Variants in PDILT observed in about 807,000 individuals in gnomAD.
The protein encoded by PDILT is protein disulfide-isomerase-like protein of the testis.
A neutral mutation model predicts 53.7 loss-of-function variants in PDILT; 43 were observed. The ratio of observed to expected loss-of-function variants is 0.80; its 90% CI spans 0.63 to 1.03. The LOEUF (loss-of-function observed/expected upper bound fraction) is 1.03. PDILT is among the 50% of genes least tolerant of loss of function. PDILT has a pLI of 0.00. For synonymous variants in PDILT, 282 were observed against 274.2 expected, an observed-to-expected ratio of 1.03 and a Z score of -0.28; for missense variants, 727 against 712.3, an observed-to-expected ratio of 1.02 and a Z score of -0.24.
chr16:20,369,836 C>T (rs569843992), intron 7 of PDILT, 147 bp from the exon 8 acceptor site: 287 of 765,220 alleles, frequency 3.8e-4, no homozygotes, highest in Non-Finnish European at 5.6e-4. Flanking sequence ...AGCTCTGCAC[C>T]GAAATGCATG....
intron 2 of PDILT, 49 bp downstream of exon 2, chr16:20,399,050 G>A (rs1966695885): frequency 3.7e-6 from 6 of 1,600,420 alleles, no homozygotes; most frequent in Non-Finnish European, 5.1e-6. Context: ...ACACAAGGAG[G>A]CAGGCCTCAT....
Position 20,359,531 on chromosome 16 carries a change from C to A in PDILT, c.1543G>T (p.Glu515Ter). 4.3e-6 allele frequency: 7 copies of A among 1,614,136 alleles called. No individual in the cohort carries two copies. Among genetic ancestry groups the A allele is most frequent in the Non-Finnish European group, 5.9e-6 (7 of 1,180,018 alleles). ...SVEQNEVIEE[E>*]VLAEEKEVPM... ...ACCTCCTTTTCCTCAGCTAGCACTT[C>A]CTCTTCTATCACTTCATTTTGCTCA... The change falls in exon 12 of 12, where the codon GAA becomes TAA. Residue 515 changes from glutamate to a stop codon, truncating the protein, a stop_gained. Coordinates refer to ENST00000302451, the MANE Select transcript of PDILT (RefSeq NM_174924.2). LOFTEE classifies it low-confidence loss of function (END_TRUNC).
chr16:20,384,923 G>A (rs2141611283), intron 2 of PDILT, 72 bp from the exon 3 acceptor site: 2 of 1,477,610 alleles, frequency 1.4e-6, no homozygotes, highest in South Asian at 2.3e-5. Flanking sequence ...ATTATTTGTT[G>A]GGCCTGCTTA....
At chr16:20,367,075 CTTTCTTTCTTTCT>C (rs1966220306) in intron 8 of PDILT, among the ~76,000 whole-genome samples, 1 of 121,674 alleles carries the variant, frequency 8.2e-6, no homozygotes, top group Non-Finnish European at 1.7e-5. Flanking sequence ...TTCTTTCTTT[CTTTCTTTCTTTCT>C]TTCTTTCTTT....
At position 20,384,845 on chromosome 16, in the gene PDILT, G is replaced by A. The variant is rs748295360; in HGVS notation, c.209C>T (p.Pro70Leu). The A allele has an allele frequency of 5.6e-6, 9 of 1,614,152 alleles. No individual in the cohort carries two copies. Among genetic ancestry groups the A allele is most frequent in the Non-Finnish European group, 7.6e-6 (9 of 1,180,010 alleles). The change falls in exon 3 of 12, where the codon CCA (proline) becomes CTA (leucine). Residue 70 changes from proline (P) to leucine (L), a missense_variant. Physicochemically the swap from Pro to Leu is moderately conservative, Grantham distance 98. Transcript: ENST00000302451. ...CAAGTTCCTGGATTGCTTTGAGGAT[G>A]GGTTGTCTGAAAGAGTATGAAGACA... Reference protein sequence around the residue: ...TRFLMVLFHNPSSKQSRNLAE... With the variant: ...TRFLMVLFHNLSSKQSRNLAE...
chr16:20,392,443 C>G (rs771124273), intron 2 of PDILT, among the ~76,000 whole-genome samples: 1 of 152,132 alleles, frequency 6.6e-6, no homozygotes, highest in Non-Finnish European at 1.5e-5. Context: ...AGCTGGTCAC[C>G]CATTAAGGAT....
intron 2 of PDILT, among the ~76,000 whole-genome samples, chr16:20,392,265 G>C (rs894303780): frequency 1.3e-5 from 2 of 152,166 alleles, no homozygotes; most frequent in Admixed American, 1.3e-4. Flanking sequence ...TTCAGTGAAG[G>C]CAGGACATAA....
chr16:20,395,991 A>G (rs1966658640), intron 2 of PDILT, among the ~76,000 whole-genome samples: 1 of 152,218 alleles, frequency 6.6e-6, no homozygotes, highest in Non-Finnish European at 1.5e-5. Flanking sequence ...CTTTGTAGCA[A>G]CACAAACAGA....
intron 8 of PDILT, among the ~76,000 whole-genome samples, chr16:20,366,373 T>C (rs1262229320): frequency 6.6e-6 from 1 of 152,136 alleles, no homozygotes; most frequent in East Asian, 1.9e-4. Context: ...AAAATGTATG[T>C]CTCAGAATGA....
In PDILT at chr16:20,399,270, C is replaced by T. The variant is rs146737900; in HGVS notation, c.31G>A (p.Val11Met). 179 of 1,613,926 alleles carry T rather than the reference C, an allele frequency of 1.1e-4. No homozygotes were observed. The highest frequency in any genetic ancestry group is 1.4e-4 in the Non-Finnish European group (166 of 1,179,932). ...TGGACAGCAGAGACACAAGCGGCCA[C>T]CAGCAGCAGGGGCATCCAGAGTAGG... Reference protein sequence around the residue: MDLLWMPLLLVAACVSAVHSS... With the variant: MDLLWMPLLLMAACVSAVHSS... Residue 11 changes from valine (V) to methionine (M), a missense_variant, in exon 2 of 12, where the codon GTG (valine) becomes ATG (methionine). By Grantham distance (21) the Val-to-Met change is conservative. Transcript: ENST00000302451.
intron 3 of PDILT, 76 bp from the exon 4 acceptor site, chr16:20,376,277 G>A: frequency 6.4e-7 from 1 of 1,561,152 alleles, no homozygotes; most frequent in Non-Finnish European, 8.7e-7. Flanking sequence ...TCTTTCTCAA[G>A]TTTAATGCAT....
intron 2 of PDILT, among the ~76,000 whole-genome samples, chr16:20,385,376 G>A (rs981290721): frequency 2.0e-5 from 3 of 152,182 alleles, no homozygotes; most frequent in African/African-American, 4.8e-5. Flanking sequence ...GCCAGGATAA[G>A]AGCCCATTCT....
chr16:20,401,200 C>G (rs1197344694), intron 1 of PDILT, among the ~76,000 whole-genome samples: 3 of 152,336 alleles, frequency 2.0e-5, no homozygotes, highest in African/African-American at 7.2e-5. Context: ...AGCCTTGAGT[C>G]CTTGATGATC....
chr16:20,396,121 T>G (rs930820167), intron 2 of PDILT, among the ~76,000 whole-genome samples: 2 of 152,230 alleles, frequency 1.3e-5, no homozygotes, highest in African/African-American at 4.8e-5. Flanking sequence ...TGGGAACTCA[T>G]GTTTATTGAG....
At chr16:20,369,438 G>T in intron 8 of PDILT, 54 bp downstream of exon 8, 2 of 1,540,970 alleles carry the variant, frequency 1.3e-6, no homozygotes, top group South Asian at 2.2e-5. Context: ...ACAGAATTAT[G>T]AGAAGGAGAT....
intron 2 of PDILT, among the ~76,000 whole-genome samples, chr16:20,392,310 C>T (rs1966614905): frequency 1.3e-5 from 2 of 152,130 alleles, no homozygotes; most frequent in Non-Finnish European, 1.5e-5. Context: ...ATCAAAGATG[C>T]TGAGGTCTGT....
chr16:20,383,090 TC>T (rs1966483991), intron 3 of PDILT, among the ~76,000 whole-genome samples: 1 of 152,086 alleles, frequency 6.6e-6, no homozygotes, highest in Non-Finnish European at 1.5e-5. Context: ...GCAGACGAGG[TC>T]CCAGGCACTG....
chr16:20,395,161 G>A lies in PDILT; in HGVS notation c.202+3938C>T, dbSNP rs76382033. Among the ~76,000 whole-genome samples the A allele has an allele frequency of 9.9e-4, 151 of 152,194 alleles. 2 individuals carry two copies. In the East Asian group the frequency reaches 0.026, roughly 27 times the overall value. Reference sequence around the variant, plus strand: ...GTTAGCCTATAACCTTGGATCTTATGGCAAATACTGAGAATCAGCCATTTA... The same window carrying A: ...GTTAGCCTATAACCTTGGATCTTATAGCAAATACTGAGAATCAGCCATTTA... On this transcript the variant is annotated intron_variant, in intron 2 of 11. Coordinates refer to ENST00000302451, the MANE Select transcript of PDILT (RefSeq NM_174924.2).
Position 20,360,602 on chromosome 16 carries a change from C to A in PDILT, c.1472G>T (p.Ser491Ile), listed in dbSNP as rs747633262. ...ATCCTCAATCTTAGTTTTGATGTGG[C>A]TTTCCAGGAAGTCAGAGAAGCCCTT... ...TLKGFSDFLE[S>I]HIKTKIEDED... Residue 491 changes from serine (S) to isoleucine (I), a missense_variant, in exon 11 of 12, where the codon AGC becomes ATC. Coordinates refer to ENST00000302451, the MANE Select transcript of PDILT (RefSeq NM_174924.2). 2.5e-6 allele frequency: 4 copies of A among 1,614,012 alleles called. No homozygotes were observed. Among genetic ancestry groups the A allele is most frequent in the Non-Finnish European group, 2.5e-6 (3 of 1,179,986 alleles).
Sources: gnomAD v4.1 joint callset for allele counts (sites outside exome capture counted in the v4.1 genomes callset) on GRCh38, gnomAD v4.1.1 for gene constraint, MANE v1.5 for transcripts, NCBI Gene and HGNC (gene_info 2026-07-23, HGNC 2026-07-21) for gene names.